Variants in MECOM observed in about 807,000 individuals in gnomAD.
MECOM encodes MDS1 and EVI1 complex locus.
A neutral mutation model predicts 116.3 loss-of-function variants in MECOM; 13 were observed. The observed-to-expected ratio is 0.11, with a 90% CI of 0.07 to 0.18. MECOM has a LOEUF of 0.18. Ranked by LOEUF, MECOM falls within the 10% of genes least tolerant of loss-of-function variation. MECOM has a pLI of 1.00. For missense variants in MECOM, 1,299 were observed against 1,509.0 expected (o/e 0.86, Z 2.31); for synonymous variants, 528 against 535.2 (o/e 0.99, Z 0.19).
intron 10 of MECOM, among the ~76,000 whole-genome samples, chr3:169,103,663 T>C (rs1216027727): frequency 6.6e-6 from 1 of 152,134 alleles, no homozygotes; most frequent in African/African-American, 2.4e-5. Context: ...GCCTAATTTA[T>C]GAGCTCAAGT....
intron 2 of MECOM, among the ~76,000 whole-genome samples, chr3:169,180,843 C>T (rs778088762): frequency 2.6e-5 from 3 of 117,196 alleles, no homozygotes; most frequent in Non-Finnish European, 5.6e-5. Context: ...AGTTCCAAAT[C>T]GGAGAGATGT....
At chr3:169,416,171 C>G (rs1412109411) in intron 1 of MECOM, among the ~76,000 whole-genome samples, 1 of 152,158 alleles carries the variant, frequency 6.6e-6, no homozygotes, top group Non-Finnish European at 1.5e-5. Context: ...TCATAACAAA[C>G]AGTCTCTCCA....
At chr3:169,285,892 C>T (rs1713195497) in intron 2 of MECOM, among the ~76,000 whole-genome samples, 2 of 152,170 alleles carry the variant, frequency 1.3e-5, no homozygotes, top group African/African-American at 4.8e-5. Flanking sequence ...CTACATTCAA[C>T]AAAAATCCTT....
chr3:169,615,594 G>T (rs935382946), intron 1 of MECOM, among the ~76,000 whole-genome samples: 52 of 152,256 alleles, frequency 3.4e-4, no homozygotes, highest in African/African-American at 1.2e-3. Context: ...CATAGAGATG[G>T]ACCTACTTCA....
chr3:169,425,108 C>CG (rs397877353), intron 1 of MECOM, among the ~76,000 whole-genome samples: 38 of 150,808 alleles, frequency 2.5e-4, no homozygotes, highest in Admixed American at 2.3e-3. Context: ...AACCCCCCCC[C>CG]ACTTGCATGT....
At chr3:169,290,081 C>T (rs180898036) in intron 2 of MECOM, among the ~76,000 whole-genome samples, 49 of 152,100 alleles carry the variant, frequency 3.2e-4, no homozygotes, top group Non-Finnish European at 6.3e-4. Flanking sequence ...GTATATCAGC[C>T]CCGATACTAC....
intron 1 of MECOM, among the ~76,000 whole-genome samples, chr3:169,520,244 A>G (rs1319167893): frequency 6.6e-5 from 10 of 152,228 alleles, no homozygotes; most frequent in Non-Finnish European, 1.5e-4. Context: ...TGAAACTCCC[A>G]GTTACTTCTC....
At position 169,414,711 on chromosome 3, in the gene MECOM, A is replaced by T. The variant is rs1578027319; in HGVS notation, c.38-33187T>A. 2.0e-5 allele frequency among the ~76,000 whole-genome samples: 3 copies of T among 152,174 alleles called. No homozygotes were observed. In the South Asian group the frequency reaches 6.2e-4, roughly 31 times the overall value. ...GTAAGTGATCTGATGGAGCTGAAAA[A>T]CACAGCACGAGAACTTCGTGAAGCA... On this transcript the variant is annotated intron_variant, in intron 1 of 16. Coordinates refer to ENST00000651503, the MANE Select transcript of MECOM (RefSeq NM_004991.4).
chr3:169,126,271 C>T (rs1732805300), intron 5 of MECOM, among the ~76,000 whole-genome samples: 1 of 152,050 alleles, frequency 6.6e-6, no homozygotes, highest in South Asian at 2.1e-4. Context: ...GCTGTACACT[C>T]TTAGTAGAAA....
chr3:169,212,381 C>G (rs539319148), intron 2 of MECOM, among the ~76,000 whole-genome samples: 1 of 151,256 alleles, frequency 6.6e-6, no homozygotes, highest in South Asian at 2.1e-4. Flanking sequence ...CTGAATAGCT[C>G]TACCATACTC....
intron 1 of MECOM, among the ~76,000 whole-genome samples, chr3:169,584,695 A>G (rs1765580013): frequency 6.6e-6 from 1 of 152,204 alleles, no homozygotes; most frequent in Non-Finnish European, 1.5e-5. Context: ...CTGGTAAACT[A>G]CTGTGTATTT....
intron 2 of MECOM, among the ~76,000 whole-genome samples, chr3:169,222,013 A>C (rs745607863): frequency 6.6e-5 from 10 of 152,002 alleles, no homozygotes; most frequent in Non-Finnish European, 1.3e-4. Flanking sequence ...TCACTATTTA[A>C]ATTTTAATTA....
At chr3:169,324,880 C>T (rs1226378507) in intron 2 of MECOM, among the ~76,000 whole-genome samples, 2 of 152,150 alleles carry the variant, frequency 1.3e-5, no homozygotes, top group Admixed American at 1.3e-4. Context: ...TTCCCTACCA[C>T]CCCCCTCCCT....
At chr3:169,153,606 A>G (rs9809990) in intron 2 of MECOM, among the ~76,000 whole-genome samples, 83,269 of 151,968 alleles carry the variant, frequency 0.55, 23,838 homozygotes, top group African/African-American at 0.7. Context: ...TAACTCCAGG[A>G]TCAGATTCTT....
intron 12 of MECOM, among the ~76,000 whole-genome samples, chr3:169,096,433 G>T (rs1721515666): frequency 6.6e-6 from 1 of 151,936 alleles, no homozygotes; most frequent in South Asian, 2.1e-4. Flanking sequence ...ACCATGCTCG[G>T]CTAATTTTTG....
intron 2 of MECOM, among the ~76,000 whole-genome samples, chr3:169,378,845 A>C (rs965752727): frequency 6.6e-6 from 1 of 152,086 alleles, no homozygotes; most frequent in African/African-American, 2.4e-5. Flanking sequence ...TTAATGCAGA[A>C]TCTGATGCAT....
chr3:169,436,666 T>C (rs1322101882), intron 1 of MECOM, among the ~76,000 whole-genome samples: 1 of 152,190 alleles, frequency 6.6e-6, no homozygotes, highest in African/African-American at 2.4e-5. Context: ...AAAAAATCCT[T>C]TTTTTCAATC....
At chr3:169,369,326 T>C (rs1462860677) in intron 2 of MECOM, among the ~76,000 whole-genome samples, 1 of 146,396 alleles carries the variant, frequency 6.8e-6, no homozygotes, top group Non-Finnish European at 1.5e-5. Flanking sequence ...TAAATGTCTA[T>C]AAACTTGATT....
At position 169,090,149 on chromosome 3, in the gene MECOM, C is replaced by G; in HGVS notation, c.3252G>C (p.Glu1084Asp). 6.2e-7 allele frequency: 1 copy of G among 1,612,582 alleles called. No homozygotes were observed. The highest frequency in any genetic ancestry group is 1.3e-5 in the African/African-American group (1 of 74,770). Residue 1084 changes from glutamate to aspartate, a missense_variant, in exon 15 of 17, where the codon GAG becomes GAC. Transcript: ENST00000651503. ...DLLDDEEVED[E>D]VLLDEEDEDN... ...CTTCATCCTCCTCATCTAACAACACCTCATCTTCAACTTCTTCATCATCCA... is the reference window on the plus strand; with the variant it reads ...CTTCATCCTCCTCATCTAACAACACGTCATCTTCAACTTCTTCATCATCCA...
Sources: gnomAD v4.1 joint callset for allele counts (sites outside exome capture counted in the v4.1 genomes callset) on GRCh38, gnomAD v4.1.1 for gene constraint, MANE v1.5 for transcripts, NCBI Gene and HGNC (gene_info 2026-07-23, HGNC 2026-07-21) for gene names.